Variants in NEK10 observed in about 807,000 individuals in gnomAD.
NEK10 encodes serine/threonine-protein kinase Nek10.
Under a neutral mutation model 159.8 loss-of-function variants are expected in NEK10, and 122 were observed. The ratio of observed to expected loss-of-function variants is 0.76; its 90% CI spans 0.66 to 0.89. The LOEUF is 0.89. Among genes scored for constraint, NEK10 ranks in the 40% least tolerant of loss-of-function variants. The pLI, the probability that NEK10 is intolerant of heterozygous loss-of-function variation, is 0.00. For missense variants in NEK10, 1,342 were observed against 1,323.1 expected (o/e 1.01, Z -0.22); for synonymous variants, 466 against 457.1 (o/e 1.02, Z -0.25).
intron 22 of NEK10, among the ~76,000 whole-genome samples, chr3:27,270,776 A>G (rs1490899412): frequency 6.6e-6 from 1 of 152,170 alleles, no homozygotes; most frequent in Non-Finnish European, 1.5e-5. Context: ...AAAACTCTAC[A>G]AAGACGTTTG....
At chr3:27,171,768 C>A (rs768935110) in intron 29 of NEK10, 51 bp downstream of exon 29, 1 of 1,596,862 alleles carries the variant, frequency 6.3e-7, no homozygotes, top group South Asian at 1.1e-5. Context: ...TGAGTTATTA[C>A]TCAGCTCTGC....
At chr3:27,261,138 G>A (rs1575493474) in intron 22 of NEK10, among the ~76,000 whole-genome samples, 1 of 152,204 alleles carries the variant, frequency 6.6e-6, no homozygotes, top group East Asian at 1.9e-4. Flanking sequence ...CTTGCTAGCA[G>A]TCCATCAATT....
In NEK10 at chr3:27,301,704, A is replaced by T; in HGVS notation, c.1160T>A (p.Leu387His). The T allele has an allele frequency of 6.4e-7, 1 of 1,561,688 alleles. No individual in the cohort carries two copies. Among genetic ancestry groups the T allele is most frequent in the South Asian group, 1.2e-5 (1 of 85,884 alleles). ...PREIQENTFSLQAACCAALTE... is the reference protein window; with the variant it reads ...PREIQENTFSHQAACCAALTE... ...TAATAAAACATAAATACCTGCTTGA[A>T]GTGAGAAAGTATTTTCTTGTATTTC... The change falls in exon 13 of 36, where the codon CTT becomes CAT. Residue 387 changes from leucine (L) to histidine (H), a missense_variant. By Grantham distance (99) the Leu-to-His change is moderately conservative. Transcript: ENST00000691995.
intron 22 of NEK10, among the ~76,000 whole-genome samples, chr3:27,269,777 C>T (rs928393269): frequency 3.3e-5 from 5 of 152,170 alleles, no homozygotes; most frequent in African/African-American, 4.8e-5. Context: ...TTATCTTTAA[C>T]TCTTTGTAGT....
chr3:27,295,140 A>T (rs540123912), intron 15 of NEK10, among the ~76,000 whole-genome samples: 17 of 152,234 alleles, frequency 1.1e-4, no homozygotes, highest in African/African-American at 1.7e-4. Context: ...CACTTCCCTC[A>T]GCACACTCTA....
At chr3:27,258,452 T>C (rs1956454580) in intron 22 of NEK10, among the ~76,000 whole-genome samples, 1 of 147,690 alleles carries the variant, frequency 6.8e-6, no homozygotes, top group Admixed American at 6.9e-5. Flanking sequence ...TTCCCACCTA[T>C]GAGTGAGAAC....
At chr3:27,319,747 C>T (rs13082041) in intron 6 of NEK10, among the ~76,000 whole-genome samples, 2,287 of 150,796 alleles carry the variant, frequency 0.015, 34 homozygotes, top group Non-Finnish European at 0.021. Context: ...AGTAGAGTTG[C>T]GGGATAACCC....
chr3:27,344,377 C>G lies in NEK10; in HGVS notation c.264-7G>C. 1 of 1,433,380 alleles carries G rather than the reference C, an allele frequency of 7.0e-7. No homozygotes were observed. Among genetic ancestry groups the G allele is most frequent in the Non-Finnish European group, 9.7e-7 (1 of 1,026,582 alleles). 88.8% of individuals were successfully genotyped at this position (1,433,380 alleles called of 1,614,324 possible). A position where few individuals can be genotyped will look rare whatever the true frequency, so the allele number is the denominator to read the frequency against. On this transcript the variant is annotated splice_polypyrimidine_tract_variant and splice_region_variant and intron_variant, in intron 4 of 35. Transcript: ENST00000691995. Reference sequence around the variant, plus strand: ...CTCATTCTTGTAGTTTATACTGAGACAAAACAAACAGAAAAGGATTTTGTA... The same window carrying G: ...CTCATTCTTGTAGTTTATACTGAGAGAAAACAAACAGAAAAGGATTTTGTA...
chr3:27,314,319 C>T lies in NEK10; in HGVS notation c.467G>A (p.Gly156Asp). 1 of 1,602,742 alleles carries T rather than the reference C, an allele frequency of 6.2e-7. No homozygotes were observed. Among genetic ancestry groups the T allele is most frequent in the South Asian group, 1.1e-5 (1 of 88,810 alleles). ...PCYQEILHSL[G>D]GIENLAQYME... ...TACCTGAGCTAGGTTTTCAATCCCA[C>T]CCAAGCTATGGAGTATTTCCTAATA... The change falls in exon 7 of 36, where the codon GGT becomes GAT. Residue 156 changes from glycine to aspartate, a missense_variant. Gly to Asp is a moderately conservative substitution (Grantham distance 94). Coordinates refer to ENST00000691995, the MANE Select transcript of NEK10 (RefSeq NM_001394966.1).
rs1348065366 is a variant in NEK10, at chr3:27,107,618, T to C, written c.*3654A>G. On this transcript the variant is annotated 3_prime_UTR_variant, in exon 36 of 36. Transcript: ENST00000691995. ...GAAGAATTTTATATTTGGACAAAAT[T>C]TCACCCAAGGAGTCAATGTCAATAT... Among the ~76,000 whole-genome samples the C allele has an allele frequency of 2.0e-5, 3 of 152,166 alleles. No homozygotes were observed. Among genetic ancestry groups the C allele is most frequent in the Non-Finnish European group, 4.4e-5 (3 of 68,020 alleles).
chr3:27,224,152 C>T (rs1235623734), intron 23 of NEK10, among the ~76,000 whole-genome samples: 1 of 152,228 alleles, frequency 6.6e-6, no homozygotes, highest in East Asian at 1.9e-4. Flanking sequence ...GAGGCAGAGA[C>T]AAGAGTGATG....
chr3:27,159,120 A>T (rs1945771301), intron 30 of NEK10, among the ~76,000 whole-genome samples: 1 of 152,176 alleles, frequency 6.6e-6, no homozygotes, highest in Non-Finnish European at 1.5e-5. Context: ...TCCAGTAGGA[A>T]ACGTATTCCT....
intron 12 of NEK10, among the ~76,000 whole-genome samples, chr3:27,302,439 A>G (rs1436550699): frequency 6.6e-6 from 1 of 151,462 alleles, no homozygotes; most frequent in Non-Finnish European, 1.5e-5. Flanking sequence ...TGTAGGTGTT[A>G]TTCAGTCCTT....
intron 30 of NEK10, among the ~76,000 whole-genome samples, chr3:27,156,978 A>G (rs1407602695): frequency 6.9e-5 from 8 of 115,862 alleles, no homozygotes; most frequent in Admixed American, 9.1e-5. Context: ...ATATATATAT[A>G]TGATGAAATA....
chr3:27,185,407 G>C (rs904944025), intron 26 of NEK10, among the ~76,000 whole-genome samples: 2 of 152,172 alleles, frequency 1.3e-5, no homozygotes, highest in African/African-American at 4.8e-5. Flanking sequence ...TGTGGAAGAT[G>C]GCTAAGGGAG....
chr3:27,265,071 GT>G (rs1436136838), intron 22 of NEK10, among the ~76,000 whole-genome samples: 1 of 152,152 alleles, frequency 6.6e-6, no homozygotes, highest in Non-Finnish European at 1.5e-5. Context: ...AATAAGAATA[GT>G]TGGGTATTTT....
intron 25 of NEK10, 56 bp from the exon 26 acceptor site, chr3:27,192,298 G>T: frequency 1.5e-6 from 2 of 1,315,208 alleles, no homozygotes; most frequent in Non-Finnish European, 2.2e-6. Context: ...GCAGGCCACA[G>T]AGTGTAAAGG....
rs1424848525 is a variant in NEK10, at chr3:27,235,561, A to C, written c.2090+20735T>G. 2.0e-5 allele frequency among the ~76,000 whole-genome samples: 3 copies of C among 152,190 alleles called. No individual in the cohort carries two copies. The East Asian group carries it at 5.8e-4, about 29-fold the overall frequency. The stretch of plus-strand genomic sequence containing the variant: ...AAATGCAAATCAAAACCCCAATGAG[A>C]TGTCATCTCACGCCCATCACAATGG... On this transcript the variant is annotated intron_variant, in intron 23 of 35. Transcript: ENST00000691995.
At chr3:27,299,990 T>A (rs2043677051) in intron 13 of NEK10, among the ~76,000 whole-genome samples, 1 of 152,216 alleles carries the variant, frequency 6.6e-6, no homozygotes, top group Non-Finnish European at 1.5e-5. Flanking sequence ...TGTGGACTTC[T>A]GAGTTAATGC....
Sources: gnomAD v4.1 joint callset for allele counts (sites outside exome capture counted in the v4.1 genomes callset) on GRCh38, gnomAD v4.1.1 for gene constraint, MANE v1.5 for transcripts, NCBI Gene and HGNC (gene_info 2026-07-23, HGNC 2026-07-21) for gene names.